The following CD1B variants were observed in gnomAD, a reference collection of about 807,000 sequenced individuals.
The protein encoded by CD1B is T-cell surface glycoprotein CD1b.
In CD1B, 43 loss-of-function variants were observed where a neutral mutation model predicts 39.8. The ratio of observed to expected loss-of-function variants is 1.08; its 90% CI spans 0.85 to 1.39. The LOEUF (loss-of-function observed/expected upper bound fraction) is 1.39. CD1B is among the 40% of genes most tolerant of loss of function. The pLI, the probability that CD1B is intolerant of heterozygous loss-of-function variation, is 0.00. For synonymous variants in CD1B, 192 were observed against 152.5 expected (o/e 1.26, Z -1.91); for missense variants, 495 against 403.8 (o/e 1.23, Z -1.94).
chr1:158,311,432 T>C, the CD1B span, among the ~76,000 whole-genome samples: 1 of 152,204 alleles, frequency 6.6e-6, no homozygotes. Flanking sequence ...CTTAATCCCT[T>C]TGGATACGTA....
At chr1:158,325,187 T>C (rs1452559670), downstream of CD1B, among the ~76,000 whole-genome samples, 3 of 152,142 alleles carry the variant, frequency 2.0e-5, no homozygotes, top group Non-Finnish European at 4.4e-5. Flanking sequence ...CTTTCACCCC[T>C]AGGCCATTCA....
At chr1:158,292,558 A>G in the CD1B span, 5 of 1,598,582 alleles carry the variant, frequency 3.1e-6, no homozygotes, top group Non-Finnish European at 3.4e-6. Context: ...AGTTGTGTGT[A>G]AGTTTCTTCA....
downstream of CD1B, among the ~76,000 whole-genome samples, chr1:158,324,660 A>T (rs1182954710): frequency 6.6e-6 from 1 of 151,348 alleles, no homozygotes; most frequent in Non-Finnish European, 1.5e-5. Context: ...CCACAGGCTA[A>T]TTTTTTTTTA....
downstream of CD1B, among the ~76,000 whole-genome samples, chr1:158,326,088 G>A (rs1652342485): frequency 6.6e-6 from 1 of 152,134 alleles, no homozygotes; most frequent in African/African-American, 2.4e-5. Flanking sequence ...TCCTGCCTCA[G>A]CCTCCCTGAG....
the CD1B span, among the ~76,000 whole-genome samples, chr1:158,297,906 G>A: frequency 0.012 from 1,839 of 150,836 alleles, 38 homozygotes; most frequent in African/African-American, 0.04. Flanking sequence ...ACTGCACTTC[G>A]GCCTAAGTAA....
chr1:158,311,860 T>A, the CD1B span, among the ~76,000 whole-genome samples: 1,874 of 152,328 alleles, frequency 0.012, 38 homozygotes, highest in African/African-American at 0.04. Context: ...TCTATGTATC[T>A]GTTTTTATAC....
In CD1B at chr1:158,330,088, G is replaced by A. The variant is rs138742244; in HGVS notation, c.371C>T (p.Ser124Phe). The change falls in exon 3 of 6, where the codon TCT (serine) becomes TTT (phenylalanine). Residue 124 changes from serine to phenylalanine, a missense_variant. By Grantham distance (155) the Ser-to-Phe change is radical. Coordinates refer to ENST00000368168, the MANE Select transcript of CD1B (RefSeq NM_001764.3). ...IQGIAGCELH[S>F]GGAIVSFLRG... ...CAGGAAGCTTACTATGGCACCTCCA[G>A]AATGTAGCTCACAGCCTGCTATGCC... 2.5e-5 allele frequency: 41 copies of A among 1,613,772 alleles called. No homozygotes were observed. The highest frequency in any genetic ancestry group is 3.4e-5 in the Non-Finnish European group (40 of 1,179,854).
the CD1B span, chr1:158,292,942 T>G: frequency 1.0e-4 from 155 of 1,506,338 alleles, 2 homozygotes; most frequent in East Asian, 3.5e-3. Context: ...GAGGAAATTT[T>G]GAGGATAGCA....
At chr1:158,298,572 A>G in the CD1B span, among the ~76,000 whole-genome samples, 1 of 152,176 alleles carries the variant, frequency 6.6e-6, no homozygotes, top group Non-Finnish European at 1.5e-5. Context: ...GTAGCTTGAT[A>G]GGGATGGCAT....
At chr1:158,289,182 AT>A in the CD1B span, among the ~76,000 whole-genome samples, 1 of 152,234 alleles carries the variant, frequency 6.6e-6, no homozygotes, top group Non-Finnish European at 1.5e-5. Context: ...TGAAATTAAA[AT>A]CACAATGCAT....
chr1:158,317,039 G>A, the CD1B span, among the ~76,000 whole-genome samples: 1 of 151,678 alleles, frequency 6.6e-6, no homozygotes. Flanking sequence ...GCTTTTTGAT[G>A]TGCTGCTGGA....
chr1:158,304,853 C>T, the CD1B span, among the ~76,000 whole-genome samples: 5 of 152,172 alleles, frequency 3.3e-5, no homozygotes, highest in Non-Finnish European at 5.9e-5. Context: ...CCAGCAAACT[C>T]CAACAGACCT....
At chr1:158,296,419 C>A in the CD1B span, among the ~76,000 whole-genome samples, 2 of 152,100 alleles carry the variant, frequency 1.3e-5, no homozygotes, top group Non-Finnish European at 2.9e-5. Flanking sequence ...TCAAGGGCAT[C>A]AAAGAATATA....
Position 158,331,471 on chromosome 1 carries a change from C to T in CD1B, c.-48G>A. ...TACTGGCAGAGCTGGTATTTGATCT[C>T]CAATTTCAGCAAAGCTTTTCCTCAG... On this transcript the variant is annotated 5_prime_UTR_variant, in exon 1 of 6. Coordinates refer to ENST00000368168, the MANE Select transcript of CD1B (RefSeq NM_001764.3). 5.3e-6 allele frequency: 8 copies of T among 1,496,252 alleles called. No individual in the cohort carries two copies. Among genetic ancestry groups the T allele is most frequent in the Non-Finnish European group, 7.4e-6 (8 of 1,075,382 alleles). 92.7% of individuals were successfully genotyped at this position (1,496,252 alleles called of 1,614,324 possible). A position where few individuals can be genotyped will look rare whatever the true frequency, so the allele number is the denominator to read the frequency against.
At chr1:158,324,283 T>A (rs1652276842), downstream of CD1B, among the ~76,000 whole-genome samples, 1 of 152,162 alleles carries the variant, frequency 6.6e-6, no homozygotes, top group Non-Finnish European at 1.5e-5. Context: ...TGGTCTGCAA[T>A]CCCAAAGCTG....
At chr1:158,312,091 G>A in the CD1B span, among the ~76,000 whole-genome samples, 2 of 152,010 alleles carry the variant, frequency 1.3e-5, no homozygotes, top group Non-Finnish European at 2.9e-5. Context: ...GGGTAGTATG[G>A]GCATTTTAAC....
At chr1:158,321,708 G>A in the CD1B span, among the ~76,000 whole-genome samples, 52 of 152,164 alleles carry the variant, frequency 3.4e-4, no homozygotes, top group African/African-American at 1.2e-3. Flanking sequence ...TTATCATGAG[G>A]CTTTGAAATA....
the CD1B span, among the ~76,000 whole-genome samples, chr1:158,315,477 G>A: frequency 5.0e-4 from 76 of 151,896 alleles, no homozygotes; most frequent in African/African-American, 1.7e-3. Context: ...GTCTGTTCAT[G>A]TCCTTTGCCC....
the CD1B span, chr1:158,290,017 G>C: frequency 2.6e-6 from 4 of 1,565,998 alleles, no homozygotes; most frequent in Middle Eastern, 1.7e-4. Flanking sequence ...GCTAAGAACA[G>C]AGATCAGCAA....
Sources: allele counts gnomAD v4.1 joint callset (sites outside exome capture counted in the v4.1 genomes callset), GRCh38; gene constraint gnomAD v4.1.1; transcripts MANE v1.5; gene names NCBI Gene and HGNC (gene_info 2026-07-23, HGNC 2026-07-21).